Variants in IKZF4 observed in about 807,000 individuals in gnomAD.
IKZF4 encodes the protein IKAROS family zinc finger 4, also known as zinc finger protein Eos.
Under a neutral mutation model 47.7 loss-of-function variants are expected in IKZF4, and 11 were observed. The observed-to-expected ratio is 0.23, with a 90% CI of 0.15 to 0.38. The LOEUF (loss-of-function observed/expected upper bound fraction) is 0.38. Ranked by LOEUF, IKZF4 falls within the 10% of genes least tolerant of loss-of-function variation. The probability of loss-of-function intolerance (pLI) is 1.00; values close to 1 mark genes in which losing one functional copy is unlikely to be tolerated. For missense variants in IKZF4, 557 were observed against 784.9 expected (o/e 0.71, Z 3.47); for synonymous variants, 298 against 299.4 (o/e 1.00, Z 0.05).
upstream of IKZF4, chr12:56,020,859 G>A: frequency 1.1e-6 from 1 of 890,084 alleles, no homozygotes; most frequent in African/African-American, 1.8e-5. Flanking sequence ...GAGGAGGAGG[G>A]AAAGAGTTCG....
chr12:56,022,797 C>CTTTTTTTT (rs34923817), intron 1 of IKZF4, among the ~76,000 whole-genome samples: 2 of 126,300 alleles, frequency 1.6e-5, no homozygotes, highest in African/African-American at 3.0e-5. Flanking sequence ...CTCAGTGTTT[C>CTTTTTTTT]TTTTTTTTTT....
rs1406487766 is a variant in IKZF4, at chr12:56,021,473, G to A, written c.-21G>A. 1.9e-6 allele frequency: 3 copies of A among 1,584,602 alleles called. No homozygotes were observed. The highest frequency in any genetic ancestry group is 2.3e-5 in the East Asian group (1 of 42,694). On this transcript the variant is annotated 5_prime_UTR_variant, in exon 1 of 8. Coordinates refer to ENST00000547167, the MANE Select transcript of IKZF4 (RefSeq NM_022465.4). ...AAGGTGAGTGGCTGGGCTCACCCCT[G>A]CCTGCCACTGAGACGCAGACATGCA... is the stretch of plus-strand genomic sequence containing the variant.
At chr12:56,030,374 T>C (rs1894726423) in intron 5 of IKZF4, among the ~76,000 whole-genome samples, 1 of 150,482 alleles carries the variant, frequency 6.6e-6, no homozygotes, top group African/African-American at 2.5e-5. Context: ...AAGACTTCAG[T>C]GTCCTGTGAT....
chr12:56,030,713 G>C (rs1436144026), intron 5 of IKZF4, among the ~76,000 whole-genome samples: 3 of 150,932 alleles, frequency 2.0e-5, no homozygotes, highest in Non-Finnish European at 4.4e-5. Context: ...TGGGCAACAA[G>C]GGTGAAACTC....
chr12:56,021,456 T>C lies in IKZF4; in HGVS notation c.-38T>C. The C allele has an allele frequency of 6.4e-7, 1 of 1,565,078 alleles. No individual in the cohort carries two copies. The highest frequency in any genetic ancestry group is 8.6e-7 in the Non-Finnish European group (1 of 1,156,306). On this transcript the variant is annotated 5_prime_UTR_variant, in exon 1 of 8. Coordinates refer to ENST00000547167, the MANE Select transcript of IKZF4 (RefSeq NM_022465.4). The stretch of plus-strand genomic sequence containing the variant: ...GAATCCACGCTTCCTGGAAGGTGAG[T>C]GGCTGGGCTCACCCCTGCCTGCCAC...
chr12:56,021,016 A>T, upstream of IKZF4: 1 of 753,844 alleles, frequency 1.3e-6, no homozygotes, highest in South Asian at 5.7e-5. Context: ...CCGCAGGCCC[A>T]TCCATCTCTC....
At chr12:56,016,619 G>A (rs570505841), upstream of IKZF4, among the ~76,000 whole-genome samples, 3 of 149,660 alleles carry the variant, frequency 2.0e-5, no homozygotes, top group Admixed American at 6.6e-5. Context: ...TTTAAGAGAC[G>A]GAGTTTCGCT....
At chr12:56,017,488 G>T (rs1192689674), upstream of IKZF4, among the ~76,000 whole-genome samples, 1 of 151,956 alleles carries the variant, frequency 6.6e-6, no homozygotes, top group Non-Finnish European at 1.5e-5. Context: ...CTGAGGTATA[G>T]AGCCTCTAAG....
rs773157808 is a variant in IKZF4 at position 56,026,820 on chromosome 12, C to T, written c.326C>T (p.Ser109Leu). The T allele has an allele frequency of 6.2e-7, 1 of 1,607,642 alleles. No homozygotes were observed. Among genetic ancestry groups the T allele is most frequent in the Non-Finnish European group, 8.5e-7 (1 of 1,176,830 alleles). ...IKVEMYSDEE[S>L]SRLLGPDERL... ...GTGGAGATGTACAGCGATGAGGAGT[C>T]AAGCAGACTGCTGGGGCCAGATGAG... Residue 109 changes from serine (S) to leucine (L), a missense_variant, in exon 4 of 8, where the codon TCA becomes TTA. Coordinates refer to ENST00000547167, the MANE Select transcript of IKZF4 (RefSeq NM_022465.4).
At chr12:56,027,743 A>C (rs773939799) in intron 4 of IKZF4, 37 bp from the exon 5 acceptor site, 10 of 1,600,588 alleles carry the variant, frequency 6.2e-6, no homozygotes, top group Non-Finnish European at 7.7e-6. Flanking sequence ...AAAGTTCCTC[A>C]CATGCAGTCC....
At chr12:56,033,673 CTCCA>C (rs1180662408) in intron 7 of IKZF4, among the ~76,000 whole-genome samples, 2 of 151,818 alleles carry the variant, frequency 1.3e-5, no homozygotes, top group Admixed American at 6.6e-5. Flanking sequence ...CGCCACTGCA[CTCCA>C]TCCATCCTGG....
intron 1 of IKZF4, chr12:56,010,209 AG>A (rs1445438431): frequency 6.6e-6 from 1 of 152,236 alleles, no homozygotes; most frequent in African/African-American, 2.4e-5. Flanking sequence ...ACTCTGCTGA[AG>A]AAAGCTTTGA....
chr12:56,016,099 CG>C (rs1168331904), upstream of IKZF4, among the ~76,000 whole-genome samples: 1 of 151,292 alleles, frequency 6.6e-6, no homozygotes, highest in Non-Finnish European at 1.5e-5. Context: ...TGAAGGTAAG[CG>C]CATGTTTCAG....
chr12:56,017,064 A>AT (rs978707544), upstream of IKZF4, among the ~76,000 whole-genome samples: 1,250 of 149,854 alleles, frequency 8.3e-3, 6 homozygotes, highest in Non-Finnish European at 0.01. Context: ...CACCAGATAG[A>AT]TTTTTTTTTT....
At position 56,023,663 on chromosome 12, in the gene IKZF4, G is replaced by T; in HGVS notation, c.88-8G>T. On this transcript the variant is annotated splice_region_variant and splice_polypyrimidine_tract_variant and intron_variant, in intron 1 of 7. Transcript: ENST00000547167. ...CCTGAGTGGTTGTTTTCTTCCCACT[G>T]ACCAAAGCTGGAGAGGGATCCCTCA... 1 of 1,613,610 alleles carries T rather than the reference G, an allele frequency of 6.2e-7. No individual in the cohort carries two copies. The highest frequency in any genetic ancestry group is 8.5e-7 in the Non-Finnish European group (1 of 1,179,754).
intron 2 of IKZF4, among the ~76,000 whole-genome samples, chr12:56,013,336 C>T (rs1334338246): frequency 6.6e-6 from 1 of 152,070 alleles, no homozygotes; most frequent in Non-Finnish European, 1.5e-5. Context: ...GCTAGGACTA[C>T]AGGCATGTAC....
chr12:56,022,944 C>T (rs1049441940), intron 1 of IKZF4, among the ~76,000 whole-genome samples: 9 of 152,008 alleles, frequency 5.9e-5, no homozygotes, highest in East Asian at 5.8e-4. Context: ...GGACTACAGG[C>T]GCCCGCTACC....
upstream of IKZF4, chr12:56,019,375 C>A (rs1033022310): frequency 8.1e-6 from 8 of 984,866 alleles, no homozygotes; most frequent in African/African-American, 1.2e-4. Context: ...ATGGGTCAGA[C>A]ACACATATGA....
rs141463758 is a variant in IKZF4 at position 56,022,166 on chromosome 12, A to G, written c.87+586A>G. On this transcript the variant is annotated intron_variant, in intron 1 of 7. Transcript: ENST00000547167. ...GAGGTTCTCCATGTTCTCCAAGCTC[A>G]TGGCTATTCCCTAGATGTAGCCACT... Among the ~76,000 whole-genome samples the G allele has an allele frequency of 5.7e-3, 865 of 152,322 alleles. 14 individuals are homozygous for G. The highest frequency in any genetic ancestry group is 0.02 in the African/African-American group (812 of 41,572).
Sources: gnomAD v4.1 joint callset for allele counts (sites outside exome capture counted in the v4.1 genomes callset) on GRCh38, gnomAD v4.1.1 for gene constraint, MANE v1.5 for transcripts, NCBI Gene and HGNC (gene_info 2026-07-23, HGNC 2026-07-21) for gene names.